The following FADS2 variants were observed in gnomAD, a reference collection of about 807,000 sequenced individuals.
FADS2 encodes fatty acid desaturase 2.
Under a neutral mutation model 61.2 loss-of-function variants are expected in FADS2, and 18 were observed. The observed-to-expected ratio is 0.29, with a 90% CI of 0.20 to 0.44. The LOEUF (loss-of-function observed/expected upper bound fraction) is 0.44, where lower values mean the gene tolerates loss of function less well. FADS2 is among the 20% of genes least tolerant of loss of function. The pLI is 1.00. For synonymous variants in FADS2, 203 were observed against 223.9 expected (o/e 0.91, Z 0.83); for missense variants, 322 against 572.7 (o/e 0.56, Z 4.47).
intron 1 of FADS2, among the ~76,000 whole-genome samples, chr11:61,830,729 G>A (rs146397166): frequency 2.0e-5 from 3 of 152,278 alleles, no homozygotes; most frequent in Non-Finnish European, 2.9e-5. Context: ...ACTAAGTGTT[G>A]TCACTTGACT....
upstream of FADS2, among the ~76,000 whole-genome samples, chr11:61,823,415 T>C (rs1213108469): frequency 6.6e-6 from 1 of 152,216 alleles, no homozygotes; most frequent in Non-Finnish European, 1.5e-5. Flanking sequence ...AGTGAAGAGA[T>C]TGTCCAGATG....
chr11:61,848,236 T>C lies in FADS2; in HGVS notation c.696T>C (p.Asp232=), dbSNP rs1312763485. The change falls in exon 5 of 12, where the codon GAT becomes GAC. Residue 232 remains aspartate (D), a synonymous_variant. Coordinates refer to ENST00000278840, the MANE Select transcript of FADS2 (RefSeq NM_004265.4). ...CTAACATCTTCCACAAGGATCCCGA[T>C]GTGAACATGCTGCACGTGTTTGTTC... is the stretch of plus-strand genomic sequence containing the variant. The part of the protein sequence containing the change: ...AKPNIFHKDP[D]VNMLHVFVLG... 4 of 1,614,254 alleles carry C rather than the reference T, an allele frequency of 2.5e-6. No homozygotes were observed. Among genetic ancestry groups the C allele is most frequent in the Non-Finnish European group, 3.4e-6 (4 of 1,180,044 alleles).
At chr11:61,841,893 C>A (rs2067220712) in intron 4 of FADS2, among the ~76,000 whole-genome samples, 1 of 152,196 alleles carries the variant, frequency 6.6e-6, no homozygotes, top group Admixed American at 6.5e-5. Flanking sequence ...CTCACCTCCC[C>A]CTAGATAAGG....
chr11:61,851,920 T>C (rs772292875), intron 5 of FADS2, among the ~76,000 whole-genome samples: 1 of 152,258 alleles, frequency 6.6e-6, no homozygotes, highest in Non-Finnish European at 1.5e-5. Context: ...ATTTCTTGTG[T>C]GCTTAGAAAG....
intron 1 of FADS2, chr11:61,817,199 G>A (rs2066995340): frequency 3.2e-6 from 1 of 312,048 alleles, no homozygotes; most frequent in Non-Finnish European, 5.8e-6. Context: ...GCCGCAGGAA[G>A]GGTGGGCGGG....
chr11:61,839,390 C>T (rs2067200370), intron 2 of FADS2, among the ~76,000 whole-genome samples: 1 of 151,660 alleles, frequency 6.6e-6, no homozygotes, highest in Admixed American at 6.6e-5. Context: ...GTGACACCAT[C>T]TCGGCTCACT....
At chr11:61,834,662 C>G (rs1052914417) in intron 1 of FADS2, among the ~76,000 whole-genome samples, 5 of 152,274 alleles carry the variant, frequency 3.3e-5, no homozygotes, top group Middle Eastern at 3.4e-3. Flanking sequence ...TGAGTCTTGC[C>G]TTTCAATGAG....
upstream of FADS2, chr11:61,826,103 A>G (rs372712091): frequency 1.4e-6 from 1 of 702,548 alleles, no homozygotes; most frequent in Admixed American, 2.0e-5. Flanking sequence ...TGATCACAGT[A>G]CACCTGCTTT....
Position 61,816,811 on chromosome 11 carries a change from C to G in FADS2, c.141+385C>G. Reference sequence around the variant, plus strand: ...GCCAGCAGGGGCTGTCAGGCGCGTGCTCGGGGTCCGCGGGCTCCAGGAGTG... The same window carrying G: ...GCCAGCAGGGGCTGTCAGGCGCGTGGTCGGGGTCCGCGGGCTCCAGGAGTG... On this transcript the variant is annotated intron_variant, in intron 1 of 11. Transcript: ENST00000257261. The surrounding 1 kb of genome is among the most constrained non-coding windows in gnomAD (Gnocchi z 7.0). 6.7e-7 allele frequency: 1 copy of G among 1,495,240 alleles called. No individual in the cohort carries two copies. Among genetic ancestry groups the G allele is most frequent in the Non-Finnish European group, 8.8e-7 (1 of 1,132,570 alleles). The allele number at this position is 1,495,240 out of a possible 1,614,324, so 92.6% of individuals were successfully genotyped here. A position where few individuals can be genotyped will look rare whatever the true frequency, so the allele number is the denominator to read the frequency against.
chr11:61,816,710 G>C lies in FADS2; in HGVS notation c.141+284G>C, dbSNP rs1267153394. ...ACCTCGTCCCAGGTGAAGTAGCGCG[G>C]GGTAGGTCCCTGAGCCGCGGTCTCG... On this transcript the variant is annotated intron_variant, in intron 1 of 11. Coordinates refer to the FADS2 transcript ENST00000257261. The surrounding 1 kb of genome is among the most constrained non-coding windows in gnomAD (Gnocchi z 7.0). 5 of 1,575,502 alleles carry C rather than the reference G, an allele frequency of 3.2e-6. No homozygotes were observed. Among genetic ancestry groups the C allele is most frequent in the Non-Finnish European group, 4.3e-6 (5 of 1,161,208 alleles).
At chr11:61,855,453 A>G (rs1333866762) in intron 5 of FADS2, 1 of 152,170 alleles carries the variant, frequency 6.6e-6, no homozygotes, top group Non-Finnish European at 1.5e-5. Context: ...CTGGAGACTC[A>G]TGAAAGGCTC....
chr11:61,861,371 A>AAAAC, intron 7 of FADS2, among the ~76,000 whole-genome samples: 1 of 106,536 alleles, frequency 9.4e-6, no homozygotes, highest in Non-Finnish European at 2.2e-5. Context: ...AAAAAAAAAA[A>AAAAC]CAGAAATTAG....
intron 7 of FADS2, among the ~76,000 whole-genome samples, chr11:61,858,539 T>C (rs1026764764): frequency 1.3e-5 from 2 of 152,168 alleles, no homozygotes; most frequent in African/African-American, 2.4e-5. Flanking sequence ...TTTCCTTTTT[T>C]TTAAAATAGG....
At chr11:61,843,698 G>A (rs369492309) in intron 4 of FADS2, among the ~76,000 whole-genome samples, 12 of 152,122 alleles carry the variant, frequency 7.9e-5, no homozygotes, top group South Asian at 2.1e-4. Context: ...CACTCTTGTC[G>A]CCCAGGCTGG....
At chr11:61,853,267 C>CTCCCT (rs1357835367) in intron 5 of FADS2, among the ~76,000 whole-genome samples, 3 of 115,090 alleles carry the variant, frequency 2.6e-5, no homozygotes, top group Non-Finnish European at 4.9e-5. Context: ...CTTTCTCTCC[C>CTCCCT]TCCCTCCCTT....
At position 61,828,525 on chromosome 11, in the gene FADS2, C is replaced by T. The variant is rs776136344; in HGVS notation, c.135C>T (p.Asn45=). 1.2e-6 allele frequency: 2 copies of T among 1,614,006 alleles called. No individual in the cohort carries two copies. Among genetic ancestry groups the T allele is most frequent in the East Asian group, 2.2e-5 (1 of 44,872 alleles). Residue 45 remains asparagine, a synonymous_variant, in exon 1 of 12, where the codon AAC becomes AAT. Coordinates refer to ENST00000278840, the MANE Select transcript of FADS2 (RefSeq NM_004265.4). This position sits in a 1 kb window ranked among gnomAD's most constrained non-coding sequence, Gnocchi z 6.4. ...TGGTCATTGACCGCAAGGTTTACAA[C>T]ATCACCAAATGGTCCATCCAGCACC... The part of the protein sequence containing the change: ...RWLVIDRKVY[N]ITKWSIQHPG...
At position 61,816,291 on chromosome 11, in the gene FADS2, C is replaced by G. The variant is rs764327596; in HGVS notation, c.6C>G (p.His2Gln). Reference sequence around the variant, plus strand: ...GGCTCGGGGCTGCAGATGGAATGCACGGCAGGGAGGCGGGACCCTTTGTTT... The same window carrying G: ...GGCTCGGGGCTGCAGATGGAATGCAGGGCAGGGAGGCGGGACCCTTTGTTT... Residue 2 changes from histidine (H) to glutamine (Q), a missense_variant, in exon 1 of 12, where the codon CAC (histidine) becomes CAG (glutamine). By Grantham distance (24) the His-to-Gln change is conservative. Coordinates refer to the FADS2 transcript ENST00000257261. The surrounding 1 kb of genome is among the most constrained non-coding windows in gnomAD (Gnocchi z 7.0). 6.3e-7 allele frequency: 1 copy of G among 1,598,336 alleles called. No homozygotes were observed.
At position 61,851,706 on chromosome 11, in the gene FADS2, G is replaced by T. The variant is rs543532293; in HGVS notation, c.744+3422G>T. Among the ~76,000 whole-genome samples, 4 of 152,362 alleles carry T rather than the reference G, an allele frequency of 2.6e-5. No homozygotes were observed. In the East Asian group the frequency reaches 7.7e-4, roughly 29 times the overall value. On this transcript the variant is annotated intron_variant, in intron 5 of 11. Coordinates refer to ENST00000278840, the MANE Select transcript of FADS2 (RefSeq NM_004265.4). ...GCCACCATCCCAGTCTCCAGAGCAA[G>T]GATGCCGGCCAGGGCTTCTATCTCT... is the stretch of plus-strand genomic sequence containing the variant.
At position 61,828,832 on chromosome 11, in the gene FADS2, C is replaced by A; in HGVS notation, c.207+235C>A. 1.9e-6 allele frequency: 1 copy of A among 533,986 alleles called. No individual in the cohort carries two copies. 33.1% of individuals were successfully genotyped at this position (533,986 alleles called of 1,614,324 possible). ...GGAGGCGGCGCTGCGGTGAAAGTCC[C>A]AGCGGTGGAGAACAGGGCAAGCATC... On this transcript the variant is annotated intron_variant, in intron 1 of 11. Coordinates refer to ENST00000278840, the MANE Select transcript of FADS2 (RefSeq NM_004265.4). This position sits in a 1 kb window ranked among gnomAD's most constrained non-coding sequence, Gnocchi z 6.4.
Sources: gnomAD v4.1 joint callset for allele counts (sites outside exome capture counted in the v4.1 genomes callset) on GRCh38, gnomAD v4.1.1 for gene constraint, Gnocchi (gnomAD v3.1) non-coding constraint, MANE v1.5 for transcripts, NCBI Gene and HGNC (gene_info 2026-07-23, HGNC 2026-07-21) for gene names.